The following BCL7C variants were observed in gnomAD, a reference collection of about 807,000 sequenced individuals.
The protein encoded by BCL7C is BAF chromatin remodeling complex subunit BCL7C.
BCL7C carries 8 observed loss-of-function variants against 26.2 expected under a neutral mutation model. The observed-to-expected ratio is 0.30, with a 90% CI of 0.18 to 0.55. BCL7C has a LOEUF of 0.55. BCL7C is among the 20% of genes least tolerant of loss of function. The pLI is 0.93. For missense variants in BCL7C, 262 were observed against 298.5 expected, an observed-to-expected ratio of 0.88 and a Z score of 0.90; for synonymous variants, 90 against 116.5, an observed-to-expected ratio of 0.77 and a Z score of 1.47.
At chr16:30,884,494 T>G (rs2055097125), downstream of BCL7C, among the ~76,000 whole-genome samples, 1 of 134,484 alleles carries the variant, frequency 7.4e-6, no homozygotes, top group Non-Finnish European at 1.6e-5. Context: ...CTCCATTTGT[T>G]TTTTTTTTTT....
chr16:30,856,060 T>TA (rs758984617), intron 5 of BCL7C, among the ~76,000 whole-genome samples: 2,339 of 97,372 alleles, frequency 0.024, 60 homozygotes, highest in African/African-American at 0.068. Flanking sequence ...AGACTCCATC[T>TA]AAAAAAAAAA....
intron 5 of BCL7C, among the ~76,000 whole-genome samples, chr16:30,873,954 T>C (rs1193473381): frequency 7.3e-4 from 100 of 137,764 alleles, no homozygotes; most frequent in Non-Finnish European, 1.1e-3. Flanking sequence ...GATATATGTA[T>C]ACACACACAC....
intron 5 of BCL7C, among the ~76,000 whole-genome samples, chr16:30,878,123 CA>C (rs1250379199): frequency 4.0e-5 from 6 of 151,622 alleles, no homozygotes; most frequent in African/African-American, 1.2e-4. Flanking sequence ...TGCAGTGACC[CA>C]AGATCATGCC....
At chr16:30,875,874 G>A (rs1164461123) in intron 5 of BCL7C, 2 of 152,282 alleles carry the variant, frequency 1.3e-5, no homozygotes, top group Non-Finnish European at 2.9e-5. Flanking sequence ...CCCCAAAGAC[G>A]AGGAAAAGAT....
chr16:30,865,737 T>C (rs1029881284), intron 5 of BCL7C, among the ~76,000 whole-genome samples: 6 of 146,296 alleles, frequency 4.1e-5, no homozygotes, highest in South Asian at 2.2e-4. Flanking sequence ...CTTTTTTTTT[T>C]TTTTTTTGAG....
In BCL7C at chr16:30,888,963, C is replaced by T; in HGVS notation, c.443-18G>A. The T allele has an allele frequency of 6.2e-7, 1 of 1,612,454 alleles. No individual in the cohort carries two copies. The highest frequency in any genetic ancestry group is 8.5e-7 in the Non-Finnish European group (1 of 1,178,644). ...CCCGGGATCTGGAACGTCAAGGTAA[C>T]AAACATCCCCTGAACAGCCACTCTG... On this transcript the variant is annotated intron_variant, in intron 4 of 5. Transcript: ENST00000215115.
intron 5 of BCL7C, among the ~76,000 whole-genome samples, chr16:30,877,299 G>T (rs1181521655): frequency 6.6e-6 from 1 of 152,170 alleles, no homozygotes; most frequent in Non-Finnish European, 1.5e-5. Flanking sequence ...GTAGAGACAG[G>T]ATCTTGCTCT....
At chr16:30,847,122 G>A (rs2054641426) in intron 5 of BCL7C, among the ~76,000 whole-genome samples, 1 of 152,224 alleles carries the variant, frequency 6.6e-6, no homozygotes, top group South Asian at 2.1e-4. Context: ...TCTGACTTGT[G>A]TAGACCCAGG....
chr16:30,884,365 CA>C (rs1315819064), downstream of BCL7C, among the ~76,000 whole-genome samples: 3 of 151,996 alleles, frequency 2.0e-5, no homozygotes, highest in Admixed American at 2.0e-4. Flanking sequence ...GGCAATAGGA[CA>C]AAACCTGCCA....
At chr16:30,862,180 G>T (rs187102739) in intron 5 of BCL7C, among the ~76,000 whole-genome samples, 5 of 152,070 alleles carry the variant, frequency 3.3e-5, no homozygotes, top group Admixed American at 2.6e-4. Context: ...ATCCCCACCT[G>T]CCCAGCTCCC....
chr16:30,841,464 CA>C (rs2054601705), intron 5 of BCL7C, among the ~76,000 whole-genome samples: 2 of 152,126 alleles, frequency 1.3e-5, no homozygotes, highest in Non-Finnish European at 2.9e-5. Flanking sequence ...CGCCTGCTGC[CA>C]AAAGGTTTGC....
intron 4 of BCL7C, among the ~76,000 whole-genome samples, chr16:30,890,461 CT>C (rs2055208570): frequency 6.6e-6 from 1 of 151,718 alleles, no homozygotes; most frequent in Non-Finnish European, 1.5e-5. Flanking sequence ...GGCTGAGTTA[CT>C]TCTCTGGGTC....
intron 5 of BCL7C, among the ~76,000 whole-genome samples, chr16:30,840,214 GTTTTTT>G (rs553947722): frequency 1.8e-5 from 2 of 113,086 alleles, no homozygotes; most frequent in East Asian, 5.4e-4. Flanking sequence ...ATTCCAAGTT[GTTTTTT>G]TTTTTTTTTT....
At chr16:30,861,224 C>T (rs1029937564) in intron 5 of BCL7C, among the ~76,000 whole-genome samples, 1 of 152,140 alleles carries the variant, frequency 6.6e-6, no homozygotes, top group Non-Finnish European at 1.5e-5. Flanking sequence ...GCCGTCAAAC[C>T]CTACAACAGG....
rs1483124582 is a variant in BCL7C at position 30,834,900 on chromosome 16, G to A, written c.*48C>T. 2.1e-6 allele frequency: 3 copies of A among 1,446,052 alleles called. No individual in the cohort carries two copies. The highest frequency in any genetic ancestry group is 2.8e-6 in the Non-Finnish European group (3 of 1,090,740). The allele number at this position is 1,446,052 out of a possible 1,614,324, so 89.6% of individuals were successfully genotyped here. On this transcript the variant is annotated 3_prime_UTR_variant, in exon 6 of 6. Transcript: ENST00000380317. The surrounding 1 kb of genome is among the most constrained non-coding windows in gnomAD (Gnocchi z 4.3). The stretch of plus-strand genomic sequence containing the variant: ...GGCACAGGTAGTGGCTGGATCTTGG[G>A]GCAGCCAAGGGAGGCTTTAGGGGTC...
intron 5 of BCL7C, among the ~76,000 whole-genome samples, chr16:30,836,884 A>G (rs189793533): frequency 8.6e-5 from 13 of 150,948 alleles, no homozygotes; most frequent in Admixed American, 3.3e-4. Flanking sequence ...TCCCCTGCCT[A>G]CCAGGTTCAA....
downstream of BCL7C, among the ~76,000 whole-genome samples, chr16:30,883,072 T>G (rs181419984): frequency 1.3e-5 from 2 of 151,888 alleles, no homozygotes; most frequent in Non-Finnish European, 2.9e-5. Flanking sequence ...GAACTGTTGA[T>G]TCAAAGGGCA....
intron 5 of BCL7C, among the ~76,000 whole-genome samples, chr16:30,865,216 C>T (rs1336213566): frequency 6.6e-6 from 1 of 151,438 alleles, no homozygotes; most frequent in Non-Finnish European, 1.5e-5. Flanking sequence ...ACTCTCCCCA[C>T]CCTTGAGAAT....
intron 4 of BCL7C, 100 bp from the exon 5 acceptor site, chr16:30,889,045 G>A (rs770225848): frequency 4.3e-6 from 5 of 1,163,110 alleles, no homozygotes; most frequent in Non-Finnish European, 6.4e-6. Context: ...GTCACAGAGG[G>A]CAGAGGGCCA....
Sources: allele counts gnomAD v4.1 joint callset (sites outside exome capture counted in the v4.1 genomes callset), GRCh38; gene constraint gnomAD v4.1.1; non-coding constraint Gnocchi (gnomAD v3.1); transcripts MANE v1.5; gene names NCBI Gene and HGNC (gene_info 2026-07-23, HGNC 2026-07-21).